TMEM260: variants seen among roughly 807,000 people sequenced by gnomAD.
TMEM260 encodes transmembrane protein 260.
A neutral mutation model predicts 88.9 loss-of-function variants in TMEM260; 82 were observed. That is an observed-to-expected ratio of 0.92 (90% CI 0.77 to 1.11). The LOEUF is 1.11. Ranked by LOEUF, TMEM260 falls within the 50% of genes least tolerant of loss-of-function variation. TMEM260 has a pLI of 0.00. For missense variants in TMEM260, 902 were observed against 853.4 expected (o/e 1.06, Z -0.71); for synonymous variants, 314 against 309.3 (o/e 1.02, Z -0.16).
intron 12 of TMEM260, among the ~76,000 whole-genome samples, chr14:56,626,340 C>G (rs755982778): frequency 2.5e-4 from 38 of 152,002 alleles, no homozygotes; most frequent in Admixed American, 5.2e-4. Flanking sequence ...TTATTCTATT[C>G]TAGATAAAAT....
downstream of TMEM260, among the ~76,000 whole-genome samples, chr14:56,654,252 C>CTCCCA (rs1166559061): frequency 2.4e-4 from 37 of 152,100 alleles, no homozygotes; most frequent in South Asian, 1.7e-3. Flanking sequence ...TTTAGTGTGA[C>CTCCCA]AAGAAAAAAG....
At chr14:56,654,528 T>G (rs778889179), downstream of TMEM260, among the ~76,000 whole-genome samples, 1 of 151,868 alleles carries the variant, frequency 6.6e-6, no homozygotes, top group Non-Finnish European at 1.5e-5. Flanking sequence ...TTAAAAAATA[T>G]TGAATGTCAG....
Position 56,593,716 on chromosome 14 carries a change from C to T in TMEM260, c.344+7804C>T, listed in dbSNP as rs1302483145. 4.8e-5 allele frequency among the ~76,000 whole-genome samples: 5 copies of T among 104,052 alleles called. No individual in the cohort carries two copies. In the Admixed American group the frequency reaches 4.9e-4, roughly 10 times the overall value. The allele number at this position is 104,052 out of a possible 152,430, so 68.3% of individuals were successfully genotyped here. A position where few individuals can be genotyped will look rare whatever the true frequency, so the allele number is the denominator to read the frequency against. On this transcript the variant is annotated intron_variant, in intron 3 of 15. Transcript: ENST00000261556. ...TTTTTTTTTTTTTTTGAGACTGAGT[C>T]TCGGTCTGTCGCCCAGGCTGGAGTG... is the stretch of plus-strand genomic sequence containing the variant.
downstream of TMEM260, among the ~76,000 whole-genome samples, chr14:56,653,110 G>A (rs1206292736): frequency 2.0e-5 from 3 of 151,718 alleles, no homozygotes; most frequent in African/African-American, 7.3e-5. Flanking sequence ...CCTGGCCAAC[G>A]TGGCGAAACC....
At chr14:56,658,639 GA>G in the TMEM260 span, among the ~76,000 whole-genome samples, 1 of 152,204 alleles carries the variant, frequency 6.6e-6, no homozygotes, top group South Asian at 2.1e-4. Flanking sequence ...GAAAGACAAG[GA>G]AAGACAAGAG....
chr14:56,603,913 T>TA lies in TMEM260; in HGVS notation c.446dup (p.Asn149LysfsTer16). ...TCCATTGCAGCAGAGGTTTTTAGCTTAAACAATCTCTTTGTGGGGCTGCTT... is the reference window on the plus strand; with the variant it reads ...TCCATTGCAGCAGAGGTTTTTAGCTTAAAACAATCTCTTTGTGGGGCTGCTT... On this transcript the variant is annotated frameshift_variant, in exon 4 of 16. Coordinates refer to ENST00000261556, the MANE Select transcript of TMEM260 (RefSeq NM_017799.4). LOFTEE classifies it high-confidence loss of function. 6.2e-7 allele frequency: 1 copy of TA among 1,613,692 alleles called. No homozygotes were observed. The highest frequency in any genetic ancestry group is 8.5e-7 in the Non-Finnish European group (1 of 1,179,828).
the TMEM260 span, among the ~76,000 whole-genome samples, chr14:56,661,070 C>T: frequency 3.9e-5 from 6 of 152,324 alleles, no homozygotes; most frequent in African/African-American, 1.4e-4. Context: ...AAACAGACAA[C>T]CATGCTAAAG....
At position 56,585,805 on chromosome 14, in the gene TMEM260, A is replaced by T. The variant is rs759981900; in HGVS notation, c.237A>T (p.Lys79Asn). 8 of 1,613,110 alleles carry T rather than the reference A, an allele frequency of 5.0e-6. No individual in the cohort carries two copies. In the East Asian group the frequency reaches 1.8e-4, roughly 36 times the overall value. ...ATCCTTTGTTCACGCTGGTGGCTAA[A>T]CTGGCAATTACACTGTTTCCTTTTG... is the stretch of plus-strand genomic sequence containing the variant. Reference protein sequence around the residue: ...PGYPLFTLVAKLAITLFPFGS... With the variant: ...PGYPLFTLVANLAITLFPFGS... The change falls in exon 3 of 16, where the codon AAA (lysine) becomes AAT (asparagine). Residue 79 changes from lysine to asparagine, a missense_variant. Physicochemically the swap from Lys to Asn is moderately conservative, Grantham distance 94. Coordinates refer to ENST00000261556, the MANE Select transcript of TMEM260 (RefSeq NM_017799.4).
chr14:56,649,625 C>G (rs562104911), downstream of TMEM260: 2 of 154,096 alleles, frequency 1.3e-5, no homozygotes, highest in African/African-American at 4.8e-5. Flanking sequence ...CATCTACATA[C>G]GCATGTGGTG....
At chr14:56,609,315 A>G in intron 6 of TMEM260, 30 bp downstream of exon 6, 1 of 1,599,132 alleles carries the variant, frequency 6.3e-7, no homozygotes. Flanking sequence ...CCTTCTAAGG[A>G]AACAAGTGGC....
chr14:56,653,756 CAG>C (rs1304881315), downstream of TMEM260, among the ~76,000 whole-genome samples: 1 of 45,698 alleles, frequency 2.2e-5, no homozygotes, highest in Non-Finnish European at 5.4e-5. Context: ...AAAAAAAAAA[CAG>C]GACATCAAAA....
In TMEM260 at chr14:56,647,548, A is replaced by G; in HGVS notation, c.*51A>G. ...CATCGTTCAGCTTCCAAAATTCTGA[A>G]GTCTGGAAGTTTTTCCTTCAAGAAA... On this transcript the variant is annotated 3_prime_UTR_variant, in exon 16 of 16. Transcript: ENST00000261556. The G allele has an allele frequency of 2.0e-6, 3 of 1,530,462 alleles. No homozygotes were observed. Among genetic ancestry groups the G allele is most frequent in the Non-Finnish European group, 2.6e-6 (3 of 1,148,990 alleles). 94.8% of individuals were successfully genotyped at this position (1,530,462 alleles called of 1,614,324 possible).
At chr14:56,613,727 G>T (rs1255491512) in intron 7 of TMEM260, 2 of 151,272 alleles carry the variant, frequency 1.3e-5, no homozygotes, top group African/African-American at 4.9e-5. Flanking sequence ...TCTCATTTTC[G>T]CTGGGGGAAT....
chr14:56,582,453 C>G (rs1396087657), intron 1 of TMEM260, among the ~76,000 whole-genome samples: 2 of 152,144 alleles, frequency 1.3e-5, no homozygotes, highest in African/African-American at 4.8e-5. Context: ...ACAGTCTAGT[C>G]TAATTAATAT....
intron 13 of TMEM260, among the ~76,000 whole-genome samples, chr14:56,634,384 G>C (rs1433130156): frequency 6.6e-6 from 1 of 152,084 alleles, no homozygotes; most frequent in Non-Finnish European, 1.5e-5. Flanking sequence ...TGAGGCATGG[G>C]AGCTAATTAT....
rs777519315 is a variant in TMEM260, at chr14:56,636,490, T to TCC, written c.1779-17_1779-16dup. The TCC allele has an allele frequency of 6.2e-7, 1 of 1,610,072 alleles. No homozygotes were observed. The highest frequency in any genetic ancestry group is 1.1e-5 in the South Asian group (1 of 90,980). ...TTGACTGTATGATTTTAATGAAGGT[T>TCC]CCTATCCCCACCCCCAGGATGAAAA... On this transcript the variant is annotated splice_polypyrimidine_tract_variant and intron_variant, in intron 14 of 15. Transcript: ENST00000261556.
chr14:56,603,677 G>T (rs369096977), intron 3 of TMEM260, 138 bp from the exon 4 acceptor site: 9 of 811,312 alleles, frequency 1.1e-5, no homozygotes, highest in East Asian at 8.0e-5. Context: ...TATTATATGA[G>T]TTAATGTATT....
At position 56,596,406 on chromosome 14, in the gene TMEM260, G is replaced by GTGTGTGTATA. The variant is rs1290307932; in HGVS notation, c.345-7408_345-7407insGTGTGTATAT. Among the ~76,000 whole-genome samples the GTGTGTGTATA allele has an allele frequency of 3.1e-4, 35 of 111,324 alleles. No individual in the cohort carries two copies. The East Asian group carries it at 3.3e-3, about 10-fold the overall frequency. The allele number at this position is 111,324 out of a possible 152,430, so 73.0% of individuals were successfully genotyped here. ...AGTGTGTGTGTGTGTGTGTGTGTGT[G>GTGTGTGTATA]TATATATATATATATATATACATAC... On this transcript the variant is annotated intron_variant, in intron 3 of 15. Transcript: ENST00000261556.
chr14:56,654,660 C>G (rs1396850978), downstream of TMEM260, among the ~76,000 whole-genome samples: 1 of 151,624 alleles, frequency 6.6e-6, no homozygotes, highest in African/African-American at 2.4e-5. Context: ...ACTAAAAATA[C>G]AAAGTTAGCC....
Sources: allele counts gnomAD v4.1 joint callset (sites outside exome capture counted in the v4.1 genomes callset), GRCh38; gene constraint gnomAD v4.1.1; transcripts MANE v1.5; gene names NCBI Gene and HGNC (gene_info 2026-07-23, HGNC 2026-07-21).